CLOCK: variants seen among roughly 807,000 people sequenced by gnomAD.
CLOCK encodes clock circadian regulator.
A neutral mutation model predicts 118.4 loss-of-function variants in CLOCK; 43 were observed. That is an observed-to-expected ratio of 0.36 (90% CI 0.28 to 0.47). CLOCK has a LOEUF of 0.47. Ranked by LOEUF, CLOCK falls within the 20% of genes least tolerant of loss-of-function variation. The probability of loss-of-function intolerance (pLI) is 1.00; values close to 1 mark genes in which losing one functional copy is unlikely to be tolerated. For missense variants in CLOCK, 846 were observed against 999.9 expected (o/e 0.85, Z 2.08); for synonymous variants, 326 against 339.2 (o/e 0.96, Z 0.43).
At chr4:55,456,832 C>A (rs533151038) in intron 11 of CLOCK, among the ~76,000 whole-genome samples, 1 of 152,132 alleles carries the variant, frequency 6.6e-6, no homozygotes, top group African/African-American at 2.4e-5. Flanking sequence ...GGATGCACCA[C>A]CACGCCCGGC....
At chr4:55,514,635 A>C (rs1344972245) in intron 1 of CLOCK, among the ~76,000 whole-genome samples, 1 of 152,020 alleles carries the variant, frequency 6.6e-6, no homozygotes, top group Non-Finnish European at 1.5e-5. Flanking sequence ...GGTTCTGTCA[A>C]ATGTTTTTTA....
chr4:55,466,004 C>A (rs1399358504), intron 8 of CLOCK, among the ~76,000 whole-genome samples: 1 of 151,898 alleles, frequency 6.6e-6, no homozygotes, highest in Non-Finnish European at 1.5e-5. Flanking sequence ...AGAAAGTTGC[C>A]TTCTACTGAC....
At chr4:55,534,773 ACT>A (rs1491352678) in intron 1 of CLOCK, among the ~76,000 whole-genome samples, 62,819 of 151,662 alleles carry the variant, frequency 0.41, 14,571 homozygotes, top group African/African-American at 0.63. Flanking sequence ...ACTTCAAAGC[ACT>A]ACTGAGAAAA....
intron 21 of CLOCK, among the ~76,000 whole-genome samples, chr4:55,439,656 G>C (rs1315680801): frequency 6.6e-6 from 1 of 152,142 alleles, no homozygotes; most frequent in Non-Finnish European, 1.5e-5. Context: ...ACATAGTAGA[G>C]TAGAATATTA....
rs1722513031 is a variant in CLOCK at position 55,431,689 on chromosome 4, TTTCAA to T, written c.*3721_*3725del. ...TTTACACAAATATTCATCAACAAAC[TTTCAA>T]TTACCAAAGAAACAGAAAGAAAAAA... On this transcript the variant is annotated 3_prime_UTR_variant, in exon 23 of 23. Coordinates refer to ENST00000513440, the MANE Select transcript of CLOCK (RefSeq NM_004898.4). 6.8e-6 allele frequency: 1 copy of T among 147,394 alleles called. No homozygotes were observed. The highest frequency in any genetic ancestry group is 1.5e-5 in the Non-Finnish European group (1 of 66,686). 9.1% of individuals were successfully genotyped at this position (147,394 alleles called of 1,614,324 possible).
intron 9 of CLOCK, among the ~76,000 whole-genome samples, chr4:55,459,783 C>T (rs1283063815): frequency 1.3e-5 from 2 of 152,124 alleles, no homozygotes; most frequent in Admixed American, 6.5e-5. Context: ...CTGCCTCAGC[C>T]TCCCAAGTAC....
At chr4:55,446,210 C>T (rs1043882154) in intron 18 of CLOCK, among the ~76,000 whole-genome samples, 1 of 150,626 alleles carries the variant, frequency 6.6e-6, no homozygotes, top group Non-Finnish European at 1.5e-5. Flanking sequence ...CCTCCCACTT[C>T]AGCCTCTCAA....
At chr4:55,464,822 TAAC>T in intron 8 of CLOCK, among the ~76,000 whole-genome samples, 1 of 152,224 alleles carries the variant, frequency 6.6e-6, no homozygotes, top group African/African-American at 2.4e-5. Context: ...ATACTTTTAA[TAAC>T]AAAAACCGCA....
intron 2 of CLOCK, among the ~76,000 whole-genome samples, chr4:55,489,806 T>TA (rs1727551511): frequency 6.6e-6 from 1 of 152,118 alleles, no homozygotes; most frequent in East Asian, 1.9e-4. Flanking sequence ...CAATTGAAGT[T>TA]AGATTGTTAT....
At chr4:55,538,636 G>A (rs1170015811) in intron 1 of CLOCK, among the ~76,000 whole-genome samples, 1 of 151,948 alleles carries the variant, frequency 6.6e-6, no homozygotes, top group African/African-American at 2.4e-5. Flanking sequence ...TGAAAAGGTG[G>A]TAACAGAACT....
At chr4:55,501,982 T>C (rs180746824) in intron 2 of CLOCK, among the ~76,000 whole-genome samples, 9 of 152,254 alleles carry the variant, frequency 5.9e-5, no homozygotes, top group African/African-American at 2.2e-4. Flanking sequence ...AACTACAATA[T>C]CATTATCATA....
chr4:55,534,190 A>G (rs1214419356), intron 1 of CLOCK, among the ~76,000 whole-genome samples: 2 of 150,204 alleles, frequency 1.3e-5, no homozygotes, highest in Admixed American at 1.3e-4. Context: ...CATCAGTGCA[A>G]CAATACCAAA....
chr4:55,533,842 G>T (rs1050765304), intron 1 of CLOCK, among the ~76,000 whole-genome samples: 14 of 152,186 alleles, frequency 9.2e-5, no homozygotes, highest in Admixed American at 2.0e-4. Flanking sequence ...GGCAGAGGTT[G>T]CAGTAATCCA....
At chr4:55,532,861 G>T (rs1284359054) in intron 1 of CLOCK, among the ~76,000 whole-genome samples, 1 of 151,658 alleles carries the variant, frequency 6.6e-6, no homozygotes, top group East Asian at 1.9e-4. Context: ...AAGAAAAGGG[G>T]TCGGGTCGGG....
At chr4:55,449,846 T>C (rs771027008) in intron 16 of CLOCK, among the ~76,000 whole-genome samples, 107 of 152,364 alleles carry the variant, frequency 7.0e-4, no homozygotes, top group Non-Finnish European at 9.1e-4. Context: ...CCTTTCTTTT[T>C]GAGGGATGAT....
chr4:55,522,807 A>T (rs1729930268), intron 1 of CLOCK, among the ~76,000 whole-genome samples: 1 of 152,140 alleles, frequency 6.6e-6, no homozygotes, highest in Admixed American at 6.5e-5. Context: ...AAATACACAC[A>T]CTCATTTACT....
At chr4:55,456,782 G>A (rs890135921) in intron 11 of CLOCK, among the ~76,000 whole-genome samples, 10 of 152,026 alleles carry the variant, frequency 6.6e-5, no homozygotes, top group Admixed American at 1.3e-4. Context: ...AGGCTCAAGC[G>A]ATCCTCCTGC....
chr4:55,430,812 G>C lies in CLOCK; in HGVS notation c.*4603C>G, dbSNP rs1438275788. 6.6e-6 allele frequency: 1 copy of C among 152,086 alleles called. No individual in the cohort carries two copies. The highest frequency in any genetic ancestry group is 1.5e-5 in the Non-Finnish European group (1 of 68,000). 9.4% of individuals were successfully genotyped at this position (152,086 alleles called of 1,614,324 possible). ...TCCTAGACCTCTGAAAAATAAACAG[G>C]CTCATTGGTCTCTTTTGGTGTCCAC... On this transcript the variant is annotated 3_prime_UTR_variant, in exon 23 of 23. Coordinates refer to ENST00000513440, the MANE Select transcript of CLOCK (RefSeq NM_004898.4).
chr4:55,505,492 C>T (rs1356848074), intron 2 of CLOCK, among the ~76,000 whole-genome samples: 3 of 151,710 alleles, frequency 2.0e-5, no homozygotes, highest in South Asian at 2.1e-4. Context: ...GGCAAAACCC[C>T]TTATCTACTA....
Sources: allele counts gnomAD v4.1 joint callset (sites outside exome capture counted in the v4.1 genomes callset), GRCh38; gene constraint gnomAD v4.1.1; transcripts MANE v1.5; gene names NCBI Gene and HGNC (gene_info 2026-07-23, HGNC 2026-07-21).